Variants in DKK2 observed in about 807,000 individuals in gnomAD.
The protein encoded by DKK2 is dickkopf-related protein 2.
Under a neutral mutation model 28.1 loss-of-function variants are expected in DKK2, and 11 were observed. The ratio of observed to expected loss-of-function variants is 0.39; its 90% CI spans 0.25 to 0.65. The LOEUF is 0.65. Ranked by LOEUF, DKK2 falls within the 30% of genes least tolerant of loss-of-function variation. DKK2 has a pLI of 0.47. For missense variants in DKK2, 326 were observed against 335.5 expected (o/e 0.97, Z 0.22); for synonymous variants, 135 against 126.5 (o/e 1.07, Z -0.45).
intron 1 of DKK2, among the ~76,000 whole-genome samples, chr4:106,989,598 A>G (rs945063162): frequency 1.3e-5 from 2 of 152,216 alleles, no homozygotes; most frequent in Non-Finnish European, 2.9e-5. Context: ...CTTAGCAAAC[A>G]TCATTAGAAA....
chr4:107,016,677 G>A (rs1475307370), intron 1 of DKK2, among the ~76,000 whole-genome samples: 1 of 151,858 alleles, frequency 6.6e-6, no homozygotes, highest in Non-Finnish European at 1.5e-5. Context: ...GATGTGTTTT[G>A]AAGATAGAGC....
chr4:106,937,521 G>A (rs1427354688), intron 1 of DKK2, among the ~76,000 whole-genome samples: 1 of 147,800 alleles, frequency 6.8e-6, no homozygotes, highest in Non-Finnish European at 1.5e-5. Flanking sequence ...AATAATGGGA[G>A]ACTTTAACAC....
chr4:106,994,469 CT>C (rs1221859578), intron 1 of DKK2, among the ~76,000 whole-genome samples: 3 of 145,720 alleles, frequency 2.1e-5, no homozygotes, highest in Non-Finnish European at 4.6e-5. Flanking sequence ...CTCTTTCTCT[CT>C]CTCACACACA....
chr4:106,940,605 C>T (rs1414169623), intron 1 of DKK2, among the ~76,000 whole-genome samples: 2 of 150,718 alleles, frequency 1.3e-5, no homozygotes, highest in African/African-American at 2.5e-5. Context: ...CATCCCATTA[C>T]TGGGTATATA....
intron 1 of DKK2, among the ~76,000 whole-genome samples, chr4:106,970,541 C>T (rs908265743): frequency 6.6e-5 from 10 of 152,190 alleles, no homozygotes; most frequent in African/African-American, 2.2e-4. Context: ...ATGGCACGCT[C>T]ATCATCAAGA....
At chr4:106,984,465 T>G (rs1346503169) in intron 1 of DKK2, among the ~76,000 whole-genome samples, 1 of 152,256 alleles carries the variant, frequency 6.6e-6, no homozygotes, top group Non-Finnish European at 1.5e-5. Flanking sequence ...CTGGTTTATT[T>G]CGCTCAGCAT....
At chr4:106,971,325 A>G (rs1375708580) in intron 1 of DKK2, among the ~76,000 whole-genome samples, 2 of 152,096 alleles carry the variant, frequency 1.3e-5, no homozygotes, top group African/African-American at 4.8e-5. Context: ...CTATATTGTT[A>G]ACAATAGTAG....
At chr4:106,959,909 C>T (rs913446070) in intron 1 of DKK2, among the ~76,000 whole-genome samples, 3 of 151,764 alleles carry the variant, frequency 2.0e-5, no homozygotes, top group African/African-American at 7.3e-5. Context: ...AAACAATTTG[C>T]TTAGTGTCAT....
At chr4:107,020,651 C>A (rs967062906) in intron 1 of DKK2, among the ~76,000 whole-genome samples, 1 of 151,878 alleles carries the variant, frequency 6.6e-6, no homozygotes, top group Non-Finnish European at 1.5e-5. Flanking sequence ...TTATTAAATA[C>A]GTTGTAGAAT....
chr4:106,944,727 TAA>T (rs1218880831), intron 1 of DKK2, among the ~76,000 whole-genome samples: 1 of 152,118 alleles, frequency 6.6e-6, no homozygotes, highest in African/African-American at 2.4e-5. Flanking sequence ...TTGAAAATGT[TAA>T]GTCTTATAAA....
At chr4:106,961,642 G>C (rs890857754) in intron 1 of DKK2, among the ~76,000 whole-genome samples, 3 of 150,904 alleles carry the variant, frequency 2.0e-5, no homozygotes, top group Admixed American at 1.3e-4. Flanking sequence ...TCGTAAACAT[G>C]GTTTTATGGT....
intron 1 of DKK2, among the ~76,000 whole-genome samples, chr4:106,950,436 A>G (rs1419438332): frequency 1.3e-5 from 2 of 152,104 alleles, no homozygotes; most frequent in African/African-American, 4.8e-5. Flanking sequence ...CATATTCTCA[A>G]CACAGCAGCC....
chr4:106,946,812 T>TAGTC (rs1724783181), intron 1 of DKK2, among the ~76,000 whole-genome samples: 1 of 151,852 alleles, frequency 6.6e-6, no homozygotes, highest in Non-Finnish European at 1.5e-5. Context: ...CGTGCAAAGG[T>TAGTC]AGTCATGAGT....
At chr4:107,014,938 T>C (rs932060109) in intron 1 of DKK2, among the ~76,000 whole-genome samples, 2 of 151,594 alleles carry the variant, frequency 1.3e-5, no homozygotes, top group African/African-American at 4.8e-5. Context: ...GTTAACTCCC[T>C]GGTGTTAATC....
chr4:107,032,173 C>A (rs1172277220), intron 1 of DKK2, among the ~76,000 whole-genome samples: 3 of 151,958 alleles, frequency 2.0e-5, no homozygotes, highest in Non-Finnish European at 4.4e-5. Flanking sequence ...GCGAATAATT[C>A]AGCAGTTCAT....
chr4:106,925,710 C>G (rs914971349), intron 2 of DKK2, 89 bp downstream of exon 2: 4 of 1,479,690 alleles, frequency 2.7e-6, no homozygotes, highest in Non-Finnish European at 3.6e-6. Flanking sequence ...TTTCAGGAGT[C>G]TGAGTAAGGA....
At chr4:106,938,643 G>A (rs1291712795) in intron 1 of DKK2, among the ~76,000 whole-genome samples, 9 of 152,058 alleles carry the variant, frequency 5.9e-5, no homozygotes, top group Non-Finnish European at 1.2e-4. Context: ...CCAAAGCCAG[G>A]CAGAGACACA....
intron 1 of DKK2, among the ~76,000 whole-genome samples, chr4:106,978,307 A>AG (rs1034895696): frequency 6.6e-6 from 1 of 152,174 alleles, no homozygotes; most frequent in Admixed American, 6.5e-5. Flanking sequence ...GCCAGAATGC[A>AG]GGAAGGTTTA....
intron 1 of DKK2, among the ~76,000 whole-genome samples, chr4:106,993,019 A>G (rs192718660): frequency 1.7e-4 from 26 of 152,286 alleles, no homozygotes; most frequent in Admixed American, 1.5e-3. Context: ...ACCAGCATGG[A>G]CCTCTCTATG....
Sources: gnomAD v4.1 joint callset for allele counts (sites outside exome capture counted in the v4.1 genomes callset) on GRCh38, gnomAD v4.1.1 for gene constraint, MANE v1.5 for transcripts, NCBI Gene and HGNC (gene_info 2026-07-23, HGNC 2026-07-21) for gene names.